Variants in PEAK1 observed in about 807,000 individuals in gnomAD.
PEAK1 encodes inactive tyrosine-protein kinase PEAK1.
In PEAK1, 54 loss-of-function variants were observed where a neutral mutation model predicts 124.7. The ratio of observed to expected loss-of-function variants is 0.43; its 90% CI spans 0.35 to 0.54. PEAK1 has a LOEUF of 0.54. Among genes scored for constraint, PEAK1 ranks in the 20% least tolerant of loss-of-function variants. The pLI is 0.01. For missense variants in PEAK1, 2,046 were observed against 2,134.5 expected (o/e 0.96, Z 0.82); for synonymous variants, 719 against 760.0 (o/e 0.95, Z 0.89).
intron 6 of PEAK1, among the ~76,000 whole-genome samples, chr15:77,244,737 C>T (rs926911458): frequency 1.3e-5 from 2 of 151,986 alleles, no homozygotes; most frequent in African/African-American, 2.4e-5. Flanking sequence ...TAAAGGCATG[C>T]ACCACCATGC....
intron 1 of PEAK1, chr15:77,403,957 A>G: frequency 1.0e-6 from 1 of 966,666 alleles, no homozygotes; most frequent in Non-Finnish European, 1.2e-6. Flanking sequence ...TTGCATGGGT[A>G]AACTGCGTGT....
chr15:77,148,675 G>A (rs948002581), intron 8 of PEAK1, among the ~76,000 whole-genome samples: 6 of 152,116 alleles, frequency 3.9e-5, no homozygotes, highest in Admixed American at 6.6e-5. Context: ...CCAGTGCTTT[G>A]GGAGGCCAAG....
intron 6 of PEAK1, among the ~76,000 whole-genome samples, chr15:77,218,734 C>T (rs950725478): frequency 6.6e-6 from 1 of 152,074 alleles, no homozygotes; most frequent in Non-Finnish European, 1.5e-5. Flanking sequence ...TGGCACACAC[C>T]ACTGCACTCA....
chr15:77,180,620 TCTTC>T lies in PEAK1; in HGVS notation c.1303_1306del (p.Glu435LysfsTer13). 6.2e-7 allele frequency: 1 copy of T among 1,614,198 alleles called. No individual in the cohort carries two copies. The highest frequency in any genetic ancestry group is 8.5e-7 in the Non-Finnish European group (1 of 1,180,030). ...AGCAACATCTGTAGAGGCTTTACTT[TCTTC>T]CTTCTCAGTTTGTACAGCAATCTTG... On this transcript the variant is annotated frameshift_variant, in exon 7 of 10. Coordinates refer to ENST00000682557, the MANE Select transcript of PEAK1 (RefSeq NM_001385026.1). LOFTEE classifies it high-confidence loss of function.
At chr15:77,147,154 T>C (rs1181917395) in intron 8 of PEAK1, among the ~76,000 whole-genome samples, 1 of 152,204 alleles carries the variant, frequency 6.6e-6, no homozygotes, top group East Asian at 1.9e-4. Flanking sequence ...AAGCCTCATA[T>C]TAGAAAAAGA....
chr15:77,213,106 T>C lies in PEAK1; in HGVS notation c.-114-31066A>G, dbSNP rs554750214. Among the ~76,000 whole-genome samples, 223 of 152,306 alleles carry C rather than the reference T, an allele frequency of 1.5e-3. 1 individual carries two copies. Among genetic ancestry groups the C allele is most frequent in the African/African-American group, 5.2e-3 (217 of 41,578 alleles). On this transcript the variant is annotated intron_variant, in intron 6 of 9. Coordinates refer to ENST00000682557, the MANE Select transcript of PEAK1 (RefSeq NM_001385026.1). ...CAGTATGTTTGCAGTCAGAAAAGACTGAAATCCAATTAACTGGAACCCTTC... is the reference window on the plus strand; with the variant it reads ...CAGTATGTTTGCAGTCAGAAAAGACCGAAATCCAATTAACTGGAACCCTTC...
intron 1 of PEAK1, chr15:77,401,864 G>C (rs1405368378): frequency 1.0e-6 from 1 of 985,032 alleles, no homozygotes; most frequent in East Asian, 1.1e-4. Flanking sequence ...TATTTTCTAT[G>C]CTAAGAATGG....
intron 1 of PEAK1, among the ~76,000 whole-genome samples, chr15:77,395,971 G>A (rs1206429111): frequency 6.6e-6 from 1 of 152,054 alleles, no homozygotes; most frequent in Admixed American, 6.5e-5. Flanking sequence ...TGAGTAGAAA[G>A]ACTAAGAGAT....
chr15:77,178,899 C>T lies in PEAK1; in HGVS notation c.3028G>A (p.Asp1010Asn). Residue 1010 changes from aspartate (D) to asparagine (N), a missense_variant, in exon 7 of 10, where the codon GAC becomes AAC. By Grantham distance (23) the Asp-to-Asn change is conservative. Transcript: ENST00000682557. Reference sequence around the variant, plus strand: ...CCCTTCTCCATGACTGCTGCCTGGTCTGTCCTAGCCTTGCTCTGATCCACA... The same window carrying T: ...CCCTTCTCCATGACTGCTGCCTGGTTTGTCCTAGCCTTGCTCTGATCCACA... ...LSVDQSKARTDQAAVMEKGRA... is the reference protein window; with the variant it reads ...LSVDQSKARTNQAAVMEKGRA... 1 of 1,614,106 alleles carries T rather than the reference C, an allele frequency of 6.2e-7. No homozygotes were observed. Among genetic ancestry groups the T allele is most frequent in the Non-Finnish European group, 8.5e-7 (1 of 1,180,004 alleles).
intron 6 of PEAK1, among the ~76,000 whole-genome samples, chr15:77,192,859 T>C (rs1301361362): frequency 6.6e-6 from 1 of 152,118 alleles, no homozygotes; most frequent in Non-Finnish European, 1.5e-5. Context: ...AAATTCTTTA[T>C]ATTATACAAG....
At chr15:77,195,915 T>G (rs2058081279) in intron 6 of PEAK1, among the ~76,000 whole-genome samples, 1 of 152,212 alleles carries the variant, frequency 6.6e-6, no homozygotes, top group Admixed American at 6.5e-5. Flanking sequence ...TACTCACAAG[T>G]GTCTTCTGCA....
chr15:77,114,808 C>G lies in PEAK1; in HGVS notation c.4589G>C (p.Gly1530Ala). ...ENLLLVHYQP[G>A]GTAQGFGPAE... ...AGGCCCAAAGCCTTGGGCAGTCCCC[C>G]CAGGCTGGTAGTGGACAAGTAGCAG... is the stretch of plus-strand genomic sequence containing the variant. The change falls in exon 10 of 10, where the codon GGG (glycine) becomes GCG (alanine). Residue 1530 changes from glycine (G) to alanine (A), a missense_variant. Gly to Ala is a moderately conservative substitution (Grantham distance 60). Transcript: ENST00000682557. 1.2e-6 allele frequency: 2 copies of G among 1,613,240 alleles called. No individual in the cohort carries two copies. The highest frequency in any genetic ancestry group is 1.3e-5 in the African/African-American group (1 of 74,958).
At chr15:77,122,060 T>TA (rs1277969749) in intron 9 of PEAK1, among the ~76,000 whole-genome samples, 3 of 152,170 alleles carry the variant, frequency 2.0e-5, no homozygotes, top group African/African-American at 7.2e-5. Context: ...GGAGTATTGC[T>TA]ATACTTGCTG....
At chr15:77,231,043 T>A (rs1302000714) in intron 6 of PEAK1, among the ~76,000 whole-genome samples, 2 of 152,144 alleles carry the variant, frequency 1.3e-5, no homozygotes, top group African/African-American at 4.8e-5. Context: ...GGGTGTAATA[T>A]ATAATATTTG....
At chr15:77,214,602 C>T (rs572251210) in intron 6 of PEAK1, among the ~76,000 whole-genome samples, 19 of 146,204 alleles carry the variant, frequency 1.3e-4, no homozygotes, top group Admixed American at 7.6e-4. Context: ...CCAGCCTAGG[C>T]GACAGAGCAA....
rs191599419 is a variant in PEAK1 at position 77,158,411 on chromosome 15, C to A, written c.3331+92G>T. ...ATGGTCCAAATTCTGCTTCATGGAG[C>A]AATAAAAACCATCTCTCCAAGAAAA... is the stretch of plus-strand genomic sequence containing the variant. On this transcript the variant is annotated intron_variant, in intron 8 of 9. Coordinates refer to ENST00000682557, the MANE Select transcript of PEAK1 (RefSeq NM_001385026.1). 241 of 1,183,372 alleles carry A rather than the reference C, an allele frequency of 2.0e-4. No individual in the cohort carries two copies. The African/African-American group carries it at 3.0e-3, about 15-fold the overall frequency. The allele number at this position is 1,183,372 out of a possible 1,614,324, so 73.3% of individuals were successfully genotyped here.
intron 9 of PEAK1, among the ~76,000 whole-genome samples, chr15:77,116,261 T>C (rs1002517087): frequency 3.3e-5 from 5 of 152,198 alleles, no homozygotes; most frequent in African/African-American, 4.8e-5. Context: ...TACTAGTTCA[T>C]GGATCATAAT....
In PEAK1 at chr15:77,339,901, TATC is replaced by T. The variant is rs1465551430; in HGVS notation, c.-603+25259_-603+25261del. 2.0e-5 allele frequency among the ~76,000 whole-genome samples: 3 copies of T among 152,204 alleles called. No individual in the cohort carries two copies. In the East Asian group the frequency reaches 5.8e-4, roughly 29 times the overall value. The stretch of plus-strand genomic sequence containing the variant: ...AATAAGCATATGTTAAGAGGCTCAA[TATC>T]ATATATTATTAGGGAACTGCAAATT... On this transcript the variant is annotated intron_variant, in intron 2 of 9. Transcript: ENST00000682557.
chr15:77,394,276 G>A (rs1567346965), intron 1 of PEAK1, among the ~76,000 whole-genome samples: 1 of 152,168 alleles, frequency 6.6e-6, no homozygotes. Flanking sequence ...AGTATCTTGA[G>A]CAAACATAGG....
Sources: gnomAD v4.1 joint callset for allele counts (sites outside exome capture counted in the v4.1 genomes callset) on GRCh38, gnomAD v4.1.1 for gene constraint, MANE v1.5 for transcripts, NCBI Gene and HGNC (gene_info 2026-07-23, HGNC 2026-07-21) for gene names.